FARS2: variants seen among roughly 807,000 people sequenced by gnomAD.
The protein encoded by FARS2 is phenylalanine--tRNA ligase, mitochondrial.
FARS2 carries 40 observed loss-of-function variants against 46.4 expected under a neutral mutation model. That is an observed-to-expected ratio of 0.86 (90% CI 0.67 to 1.12). The LOEUF is 1.12. Ranked by LOEUF, FARS2 falls within the 50% of genes most tolerant of loss-of-function variation. FARS2 has a pLI of 0.00. For missense variants in FARS2, 513 were observed against 567.9 expected (o/e 0.90, Z 0.98); for synonymous variants, 234 against 214.9 (o/e 1.09, Z -0.78).
At chr6:5,448,471 G>GGT (rs1764300336) in intron 4 of FARS2, among the ~76,000 whole-genome samples, 1 of 145,528 alleles carries the variant, frequency 6.9e-6, no homozygotes, top group East Asian at 2.0e-4. Context: ...CATTTTTTCT[G>GGT]TTTTTTTTTT....
At chr6:5,742,432 G>T (rs763291408) in intron 6 of FARS2, among the ~76,000 whole-genome samples, 16 of 152,172 alleles carry the variant, frequency 1.1e-4, no homozygotes, top group Non-Finnish European at 2.2e-4. Flanking sequence ...AAGAATTCTA[G>T]TAGGTTGTTT....
chr6:5,310,906 G>A (rs1197823560), intron 1 of FARS2, among the ~76,000 whole-genome samples: 1 of 152,238 alleles, frequency 6.6e-6, no homozygotes, highest in African/African-American at 2.4e-5. Context: ...AGTAAGTTGA[G>A]CAATCTCACT....
intron 6 of FARS2, among the ~76,000 whole-genome samples, chr6:5,654,097 G>T (rs186213348): frequency 6.6e-6 from 1 of 152,224 alleles, no homozygotes; most frequent in African/African-American, 2.4e-5. Flanking sequence ...CTTCTGCCCT[G>T]ACCCTTTGAC....
At chr6:5,633,968 C>T (rs1000869303) in intron 6 of FARS2, among the ~76,000 whole-genome samples, 1 of 152,094 alleles carries the variant, frequency 6.6e-6, no homozygotes, top group Non-Finnish European at 1.5e-5. Flanking sequence ...TATTATCCTT[C>T]ATCATATGTG....
chr6:5,739,154 CAACAT>C (rs1761147602), intron 6 of FARS2, among the ~76,000 whole-genome samples: 1 of 152,082 alleles, frequency 6.6e-6, no homozygotes, highest in Non-Finnish European at 1.5e-5. Flanking sequence ...CTTTTGCACT[CAACAT>C]AATGCCCTTG....
At chr6:5,476,591 G>A (rs1464363131) in intron 4 of FARS2, among the ~76,000 whole-genome samples, 3 of 152,192 alleles carry the variant, frequency 2.0e-5, no homozygotes, top group African/African-American at 7.2e-5. Context: ...AAAGAATGAA[G>A]TGAGGGAGGG....
intron 6 of FARS2, among the ~76,000 whole-genome samples, chr6:5,682,656 G>A (rs373515997): frequency 3.6e-4 from 55 of 152,272 alleles, no homozygotes; most frequent in African/African-American, 1.2e-3. Flanking sequence ...CAATAGGTAC[G>A]GAGCCCTGCT....
Position 5,343,940 on chromosome 6 carries a change from C to T in FARS2, c.-21-24610C>T, listed in dbSNP as rs568332667. 2.0e-5 allele frequency among the ~76,000 whole-genome samples: 3 copies of T among 152,216 alleles called. No homozygotes were observed. The South Asian group carries it at 6.2e-4, about 32-fold the overall frequency. ...AAGTGGTCCTTGTGCATGGCAATGGCTAAGAATGGGCACTGCCTGCTTCTG... is the reference window on the plus strand; with the variant it reads ...AAGTGGTCCTTGTGCATGGCAATGGTTAAGAATGGGCACTGCCTGCTTCTG... On this transcript the variant is annotated intron_variant, in intron 1 of 6. Coordinates refer to ENST00000274680, the MANE Select transcript of FARS2 (RefSeq NM_006567.5). This position sits in a 1 kb window ranked among gnomAD's most constrained non-coding sequence, Gnocchi z 4.5.
At chr6:5,314,274 C>T (rs1769289548) in intron 1 of FARS2, among the ~76,000 whole-genome samples, 1 of 151,942 alleles carries the variant, frequency 6.6e-6, no homozygotes, top group Non-Finnish European at 1.5e-5. Context: ...AGATGGATAC[C>T]TGGGATATTG....
At chr6:5,468,353 T>C (rs189166834) in intron 4 of FARS2, among the ~76,000 whole-genome samples, 1 of 103,286 alleles carries the variant, frequency 9.7e-6, no homozygotes, top group African/African-American at 3.7e-5. Context: ...CTGGTAAAAG[T>C]AAAAAAAAAA....
intron 6 of FARS2, among the ~76,000 whole-genome samples, chr6:5,631,114 T>A (rs943522923): frequency 6.6e-6 from 1 of 151,814 alleles, no homozygotes; most frequent in Non-Finnish European, 1.5e-5. Context: ...AAAAACAGCC[T>A]CCCCAAAATA....
At chr6:5,549,268 G>A (rs956092941) in intron 5 of FARS2, among the ~76,000 whole-genome samples, 7 of 151,818 alleles carry the variant, frequency 4.6e-5, no homozygotes, top group Admixed American at 2.6e-4. Context: ...TGCCATGTTG[G>A]TTTGCTGCAC....
intron 2 of FARS2, among the ~76,000 whole-genome samples, chr6:5,373,559 A>G (rs758782015): frequency 6.6e-6 from 1 of 152,166 alleles, no homozygotes; most frequent in Non-Finnish European, 1.5e-5. Context: ...AGTAAGTACT[A>G]GGAAATGTTT....
intron 1 of FARS2, among the ~76,000 whole-genome samples, chr6:5,277,959 G>A (rs1432544827): frequency 6.6e-6 from 1 of 152,174 alleles, no homozygotes; most frequent in African/African-American, 2.4e-5. Context: ...TTAGGAGTTT[G>A]ATGTCTTATA....
intron 6 of FARS2, among the ~76,000 whole-genome samples, chr6:5,716,246 G>A (rs1163447391): frequency 6.6e-6 from 1 of 152,110 alleles, no homozygotes; most frequent in Non-Finnish European, 1.5e-5. Flanking sequence ...TACATATAGA[G>A]TGCTCAGATT....
intron 6 of FARS2, among the ~76,000 whole-genome samples, chr6:5,658,253 T>A (rs1298455875): frequency 1.2e-5 from 1 of 82,584 alleles, no homozygotes; most frequent in Non-Finnish European, 2.8e-5. Context: ...TGAAACTCTG[T>A]CTCAAAAAAA....
At chr6:5,260,789 C>A, upstream of FARS2, 1 of 1,534,866 alleles carries the variant, frequency 6.5e-7, no homozygotes, top group South Asian at 1.2e-5. Flanking sequence ...AAGTACGACC[C>A]AACCCACGAA....
chr6:5,358,461 T>A (rs811273), intron 1 of FARS2, among the ~76,000 whole-genome samples: 151,182 of 152,276 alleles, frequency 0.99, 75,065 homozygotes, highest in East Asian at 1. Flanking sequence ...TTGAGATGCT[T>A]AAAAACATGA....
intron 6 of FARS2, among the ~76,000 whole-genome samples, chr6:5,730,531 A>C (rs1760554540): frequency 6.7e-6 from 1 of 148,624 alleles, no homozygotes; most frequent in Admixed American, 6.7e-5. Context: ...TTTTTTTTTT[A>C]CAACTAGAAC....
Sources: gnomAD v4.1 joint callset for allele counts (sites outside exome capture counted in the v4.1 genomes callset) on GRCh38, gnomAD v4.1.1 for gene constraint, Gnocchi (gnomAD v3.1) non-coding constraint, MANE v1.5 for transcripts, NCBI Gene and HGNC (gene_info 2026-07-23, HGNC 2026-07-21) for gene names.